Variants in SOAT1 observed in about 807,000 individuals in gnomAD.
SOAT1 encodes acyl-coenzyme A:cholesterol acyltransferase 1.
A neutral mutation model predicts 69.5 loss-of-function variants in SOAT1; 55 were observed. The ratio of observed to expected loss-of-function variants is 0.79; its 90% CI spans 0.64 to 0.99. The LOEUF is 0.99. Ranked by LOEUF, SOAT1 falls within the 50% of genes least tolerant of loss-of-function variation. The pLI, the probability that SOAT1 is intolerant of heterozygous loss-of-function variation, is 0.00. For missense variants in SOAT1, 580 were observed against 669.3 expected, an observed-to-expected ratio of 0.87 and a Z score of 1.47; for synonymous variants, 231 against 224.7, an observed-to-expected ratio of 1.03 and a Z score of -0.25.
chr1:179,306,735 G>A (rs1337368324), intron 2 of SOAT1, among the ~76,000 whole-genome samples: 2 of 150,776 alleles, frequency 1.3e-5, no homozygotes, highest in Admixed American at 6.6e-5. Flanking sequence ...GGAGGCTGAG[G>A]CAGGAGAATG....
At chr1:179,302,835 A>T in intron 2 of SOAT1, 33 bp downstream of exon 2, 1 of 1,137,792 alleles carries the variant, frequency 8.8e-7, no homozygotes, top group Non-Finnish European at 1.3e-6. Context: ...TAGGTGAATT[A>T]GTGAAATAGA....
intron 2 of SOAT1, among the ~76,000 whole-genome samples, chr1:179,322,155 A>G (rs1199885097): frequency 6.6e-6 from 1 of 152,118 alleles, no homozygotes; most frequent in Non-Finnish European, 1.5e-5. Flanking sequence ...AAGTGCTAGG[A>G]TTACAAGTGT....
In SOAT1 at chr1:179,351,721, A is replaced by ATTTTTTTTTTTTTTTTTTTTTTTTTTTTT. The variant is rs71901753; in HGVS notation, c.1596+275_1596+276insTTTTTTTTTTTTTTTTTTTTTTTTTTTTT. 2.8e-4 allele frequency among the ~76,000 whole-genome samples: 30 copies of ATTTTTTTTTTTTTTTTTTTTTTTTTTTTT among 106,440 alleles called. 5 individuals are homozygous for ATTTTTTTTTTTTTTTTTTTTTTTTTTTTT. Among genetic ancestry groups the ATTTTTTTTTTTTTTTTTTTTTTTTTTTTT allele is most frequent in the African/African-American group, 6.0e-4 (15 of 25,138 alleles). The allele number at this position is 106,440 out of a possible 152,430, so 69.8% of individuals were successfully genotyped here. On this transcript the variant is annotated intron_variant, in intron 15 of 15. Coordinates refer to ENST00000367619, the MANE Select transcript of SOAT1 (RefSeq NM_003101.6). ...ACTGCCTTTTCTTCAGCCCCTTCTAATTTTTTTTTTTTTTTTGAGACAGAG... is the reference window on the plus strand; with the variant it reads ...ACTGCCTTTTCTTCAGCCCCTTCTAATTTTTTTTTTTTTTTTTTTTTTTTTTTTTTTTTTTTTTTTTTTTTGAGACAGAG...
rs551736662 is a variant in SOAT1, at chr1:179,307,643, T to C, written c.118+4841T>C. On this transcript the variant is annotated intron_variant, in intron 2 of 15. Coordinates refer to ENST00000367619, the MANE Select transcript of SOAT1 (RefSeq NM_003101.6). ...AGGACTTGAAGTCTTACTGTATGTA[T>C]TGTCATTGACTGATGACCTACCTGT... Among the ~76,000 whole-genome samples the C allele has an allele frequency of 2.0e-5, 3 of 152,332 alleles. No individual in the cohort carries two copies. In the East Asian group the frequency reaches 5.8e-4, roughly 29 times the overall value.
intron 2 of SOAT1, among the ~76,000 whole-genome samples, chr1:179,320,441 TA>T (rs753519532): frequency 6.6e-5 from 10 of 152,124 alleles, no homozygotes; most frequent in Admixed American, 3.9e-4. Context: ...CCAGCTTTGT[TA>T]TTTTTTTTTT....
In SOAT1 at chr1:179,358,650, AGTT is replaced by A. The variant is rs1666984205; in HGVS notation, c.*5013_*5015del. On this transcript the variant is annotated 3_prime_UTR_variant, in exon 16 of 16. Transcript: ENST00000367619. ...CACCAGAAGGGTCATGTAAATCTGA[AGTT>A]GTTATTAAAGGTTTTTCTATAGTGA... 1 of 152,140 alleles carries A rather than the reference AGTT, an allele frequency of 6.6e-6. No homozygotes were observed. The highest frequency in any genetic ancestry group is 2.1e-4 in the South Asian group (1 of 4,830). 9.4% of individuals were successfully genotyped at this position (152,140 alleles called of 1,614,324 possible).
intron 2 of SOAT1, among the ~76,000 whole-genome samples, chr1:179,305,109 C>T (rs200671051): frequency 2.5e-5 from 1 of 40,578 alleles, no homozygotes; most frequent in East Asian, 7.9e-3. Context: ...CATTCCTCTC[C>T]TCTTAGCCTC....
intron 3 of SOAT1, among the ~76,000 whole-genome samples, chr1:179,328,851 C>T (rs961050863): frequency 6.6e-6 from 1 of 151,920 alleles, no homozygotes; most frequent in Non-Finnish European, 1.5e-5. Context: ...CGAGACCAGC[C>T]TGGACAACAT....
chr1:179,334,549 G>A (rs1189683109), intron 3 of SOAT1, among the ~76,000 whole-genome samples: 1 of 151,952 alleles, frequency 6.6e-6, no homozygotes, highest in Non-Finnish European at 1.5e-5. Context: ...TTTTTTTGTG[G>A]TTTGTTATTT....
intron 2 of SOAT1, among the ~76,000 whole-genome samples, chr1:179,309,147 G>A (rs10913715): frequency 0.023 from 3,433 of 152,178 alleles, 138 homozygotes; most frequent in African/African-American, 0.078. Context: ...GCAGTGGTGC[G>A]ATCTTGGCTC....
intron 11 of SOAT1, among the ~76,000 whole-genome samples, chr1:179,345,756 C>T (rs1179010702): frequency 6.6e-6 from 1 of 152,000 alleles, no homozygotes; most frequent in Non-Finnish European, 1.5e-5. Flanking sequence ...CCCTATGTTG[C>T]CCAGGCCATT....
chr1:179,337,182 G>A (rs187565054), intron 4 of SOAT1, among the ~76,000 whole-genome samples: 82 of 152,252 alleles, frequency 5.4e-4, no homozygotes, highest in African/African-American at 1.8e-3. Context: ...GCCCCTGTTT[G>A]GAGGCATAGA....
At chr1:179,296,482 C>G (rs1483014704) in intron 1 of SOAT1, among the ~76,000 whole-genome samples, 1 of 152,046 alleles carries the variant, frequency 6.6e-6, no homozygotes, top group Non-Finnish European at 1.5e-5. Context: ...AAGAGGATGG[C>G]TTTGTTTTGC....
At chr1:179,315,950 TCTTTAA>T (rs961849191) in intron 2 of SOAT1, among the ~76,000 whole-genome samples, 2 of 152,224 alleles carry the variant, frequency 1.3e-5, no homozygotes, top group African/African-American at 4.8e-5. Context: ...AAAAATATAT[TCTTTAA>T]CTTATTGAAA....
intron 6 of SOAT1, 101 bp from the exon 7 acceptor site, chr1:179,340,927 C>T (rs1666313643): frequency 9.5e-7 from 1 of 1,057,306 alleles, no homozygotes; most frequent in East Asian, 2.5e-5. Flanking sequence ...GTGGTGTTTC[C>T]TAAGGTTGAA....
chr1:179,310,839 A>C (rs1217713545), intron 2 of SOAT1, among the ~76,000 whole-genome samples: 1 of 152,242 alleles, frequency 6.6e-6, no homozygotes, highest in East Asian at 1.9e-4. Context: ...AAGTAGATGA[A>C]GAAAACATTT....
chr1:179,342,887 C>T lies in SOAT1; in HGVS notation c.885C>T (p.Asn295=), dbSNP rs1558056049. 6.8e-6 allele frequency: 11 copies of T among 1,613,654 alleles called. No homozygotes were observed. In the East Asian group the frequency reaches 2.5e-4, roughly 36 times the overall value. ...KSSTVPIPTV[N]QYLYFLFAPT... ...GCACTGTTCCAATACCTACAGTCAACCAGTATTTGTACTTCTTATTTGCTC... is the reference window on the plus strand; with the variant it reads ...GCACTGTTCCAATACCTACAGTCAATCAGTATTTGTACTTCTTATTTGCTC... The change falls in exon 9 of 16, where the codon AAC becomes AAT. Residue 295 remains asparagine (N), a synonymous_variant. Transcript: ENST00000367619.
At chr1:179,338,375 G>A (rs902500193) in intron 5 of SOAT1, among the ~76,000 whole-genome samples, 3 of 152,110 alleles carry the variant, frequency 2.0e-5, no homozygotes, top group African/African-American at 7.2e-5. Flanking sequence ...AGCACCAGGT[G>A]CAACACCCAG....
At chr1:179,334,481 T>C (rs986765590) in intron 3 of SOAT1, among the ~76,000 whole-genome samples, 1 of 152,104 alleles carries the variant, frequency 6.6e-6, no homozygotes, top group African/African-American at 2.4e-5. Context: ...CTGTGTATCA[T>C]CATAGAGTCA....
Sources: allele counts gnomAD v4.1 joint callset (sites outside exome capture counted in the v4.1 genomes callset), GRCh38; gene constraint gnomAD v4.1.1; transcripts MANE v1.5; gene names NCBI Gene and HGNC (gene_info 2026-07-23, HGNC 2026-07-21).